Variants in RFTN1 observed in about 807,000 individuals in gnomAD.
RFTN1 encodes the protein raftlin, lipid raft linker 1, also known as raftlin.
In RFTN1, 26 loss-of-function variants were observed where a neutral mutation model predicts 46.5. That is an observed-to-expected ratio of 0.56 (90% CI 0.41 to 0.78). The LOEUF is 0.78. Among genes scored for constraint, RFTN1 ranks in the 30% least tolerant of loss-of-function variants. The pLI is 0.00. For synonymous variants in RFTN1, 261 were observed against 284.2 expected, an observed-to-expected ratio of 0.92 and a Z score of 0.82; for missense variants, 693 against 718.7, an observed-to-expected ratio of 0.96 and a Z score of 0.41.
chr3:16,471,465 GC>G (rs1463742226), intron 2 of RFTN1, among the ~76,000 whole-genome samples: 1 of 152,130 alleles, frequency 6.6e-6, no homozygotes, highest in Admixed American at 6.5e-5. Flanking sequence ...CAGGATTGTT[GC>G]CATAATTCAC....
chr3:16,333,412 A>T (rs890532769), intron 7 of RFTN1, among the ~76,000 whole-genome samples: 1 of 152,248 alleles, frequency 6.6e-6, no homozygotes, highest in Non-Finnish European at 1.5e-5. Flanking sequence ...GATTACAATA[A>T]ATTTTAGTAA....
intron 1 of RFTN1, among the ~76,000 whole-genome samples, chr3:16,510,749 T>C (rs2076885320): frequency 6.6e-6 from 1 of 152,216 alleles, no homozygotes; most frequent in African/African-American, 2.4e-5. Flanking sequence ...ATCTCCTTTT[T>C]GACCCAGCAA....
At chr3:16,487,735 C>T (rs1402404961) in intron 2 of RFTN1, among the ~76,000 whole-genome samples, 2 of 152,136 alleles carry the variant, frequency 1.3e-5, no homozygotes, top group Non-Finnish European at 2.9e-5. Flanking sequence ...TTTCACAGAG[C>T]TGACATAGGT....
At position 16,382,848 on chromosome 3, in the gene RFTN1, C is replaced by T. The variant is rs535608920; in HGVS notation, c.442-4746G>A. Among the ~76,000 whole-genome samples the T allele has an allele frequency of 6.6e-6, 1 of 152,292 alleles. No homozygotes were observed. The highest frequency in any genetic ancestry group is 2.1e-4 in the South Asian group (1 of 4,826). On this transcript the variant is annotated intron_variant, in intron 4 of 9. Transcript: ENST00000334133. The surrounding 1 kb of genome is among the most constrained non-coding windows in gnomAD (Gnocchi z 4.7). Reference sequence around the variant, plus strand: ...CATCTGTTGCTGGACATCACCATGACCTCAGGCGATGCCAGGGTCTTCATG... The same window carrying T: ...CATCTGTTGCTGGACATCACCATGATCTCAGGCGATGCCAGGGTCTTCATG...
At chr3:16,372,673 A>G (rs1342125019) in intron 5 of RFTN1, among the ~76,000 whole-genome samples, 1 of 152,220 alleles carries the variant, frequency 6.6e-6, no homozygotes, top group African/African-American at 2.4e-5. Context: ...TAACTTTCCC[A>G]AATGCGTAAT....
In RFTN1 at chr3:16,512,072, C is replaced by T. The variant is rs2076910313; in HGVS notation, c.-9+1370G>A. 6.6e-6 allele frequency among the ~76,000 whole-genome samples: 1 copy of T among 152,150 alleles called. No homozygotes were observed. The highest frequency in any genetic ancestry group is 2.4e-5 in the African/African-American group (1 of 41,442). On this transcript the variant is annotated intron_variant, in intron 1 of 9. Coordinates refer to ENST00000334133, the MANE Select transcript of RFTN1 (RefSeq NM_015150.2). The surrounding 1 kb of genome is among the most constrained non-coding windows in gnomAD (Gnocchi z 4.3). ...GAGTGATTTCACTGAGGTTAGCACACACGCACCAAAGAGTCCCAAACAGCT... is the reference window on the plus strand; with the variant it reads ...GAGTGATTTCACTGAGGTTAGCACATACGCACCAAAGAGTCCCAAACAGCT...
At chr3:16,435,947 A>ATAT (rs1170115976) in intron 2 of RFTN1, among the ~76,000 whole-genome samples, 1 of 136,104 alleles carries the variant, frequency 7.3e-6, no homozygotes, top group Admixed American at 7.1e-5. Context: ...TATATATATC[A>ATAT]CACACATATG....
At chr3:16,463,684 A>T (rs759313690) in intron 2 of RFTN1, among the ~76,000 whole-genome samples, 1 of 152,082 alleles carries the variant, frequency 6.6e-6, no homozygotes, top group Non-Finnish European at 1.5e-5. Flanking sequence ...ATCTGTTTCT[A>T]TCATTTGTTT....
chr3:16,383,769 GA>G lies in RFTN1; in HGVS notation c.442-5668del, dbSNP rs1382094483. Among the ~76,000 whole-genome samples, 6 of 152,308 alleles carry G rather than the reference GA, an allele frequency of 3.9e-5. No individual in the cohort carries two copies. The highest frequency in any genetic ancestry group is 1.5e-5 in the Non-Finnish European group (1 of 68,028). On this transcript the variant is annotated intron_variant, in intron 4 of 9. Coordinates refer to ENST00000334133, the MANE Select transcript of RFTN1 (RefSeq NM_015150.2). This position sits in a 1 kb window ranked among gnomAD's most constrained non-coding sequence, Gnocchi z 4.0. ...AAAATGAAGGCTATATGGAACATAG[GA>G]AAAGGAAGAGAAAAGCCTCCTGCTC... is the stretch of plus-strand genomic sequence containing the variant.
rs543276003 is a variant in RFTN1, at chr3:16,353,609, G to C, written c.1146+4323C>G. On this transcript the variant is annotated intron_variant, in intron 7 of 9. Transcript: ENST00000334133. This position sits in a 1 kb window ranked among gnomAD's most constrained non-coding sequence, Gnocchi z 5.4. ...TCTATCCTCCCACAATGCGTATGTT[G>C]AGGCTCCAAGCCCTAGTTTGGCTGT... is the stretch of plus-strand genomic sequence containing the variant. 2.0e-5 allele frequency among the ~76,000 whole-genome samples: 3 copies of C among 152,306 alleles called. No homozygotes were observed. Among genetic ancestry groups the C allele is most frequent in the Non-Finnish European group, 4.4e-5 (3 of 68,030 alleles).
rs2072084890 is a variant in RFTN1 at position 16,351,286 on chromosome 3, C to T, written c.1146+6646G>A. On this transcript the variant is annotated intron_variant, in intron 7 of 9. Transcript: ENST00000334133. The surrounding 1 kb of genome is among the most constrained non-coding windows in gnomAD (Gnocchi z 5.4). ...TGTGTCCTTGATCCAGTCTGTTTGCCATTGAGACCAGTCAGGAGCCTCCAT... is the reference window on the plus strand; with the variant it reads ...TGTGTCCTTGATCCAGTCTGTTTGCTATTGAGACCAGTCAGGAGCCTCCAT... Among the ~76,000 whole-genome samples the T allele has an allele frequency of 6.6e-6, 1 of 152,130 alleles. No individual in the cohort carries two copies. Among genetic ancestry groups the T allele is most frequent in the South Asian group, 2.1e-4 (1 of 4,826 alleles).
chr3:16,340,472 A>G (rs1194698043), intron 7 of RFTN1, among the ~76,000 whole-genome samples: 1 of 152,280 alleles, frequency 6.6e-6, no homozygotes, highest in African/African-American at 2.4e-5. Flanking sequence ...AGCAGAGATC[A>G]GCAAGGTTGC....
chr3:16,494,130 C>T (rs1253693914), intron 1 of RFTN1, among the ~76,000 whole-genome samples: 1 of 152,214 alleles, frequency 6.6e-6, no homozygotes, highest in South Asian at 2.1e-4. Flanking sequence ...CAAAAGCATA[C>T]CTGTTTTATA....
At chr3:16,392,585 A>G (rs1050844018) in intron 4 of RFTN1, among the ~76,000 whole-genome samples, 3 of 150,410 alleles carry the variant, frequency 2.0e-5, no homozygotes, top group African/African-American at 7.3e-5. Context: ...ATAAATATAT[A>G]TTACATCTAT....
At chr3:16,511,937 A>G (rs1476318279) in intron 1 of RFTN1, among the ~76,000 whole-genome samples, 2 of 152,156 alleles carry the variant, frequency 1.3e-5, no homozygotes, top group African/African-American at 4.8e-5. Context: ...GTGACTTGAT[A>G]TACAAATGCA....
chr3:16,343,194 G>T (rs2071424425), intron 7 of RFTN1, among the ~76,000 whole-genome samples: 1 of 152,066 alleles, frequency 6.6e-6, no homozygotes, highest in African/African-American at 2.4e-5. Context: ...GCAAGGTTTG[G>T]GAACCACTGC....
chr3:16,498,612 T>C lies in RFTN1; in HGVS notation c.-8-4735A>G, dbSNP rs1422055442. 6.6e-6 allele frequency among the ~76,000 whole-genome samples: 1 copy of C among 152,222 alleles called. No homozygotes were observed. The highest frequency in any genetic ancestry group is 6.5e-5 in the Admixed American group (1 of 15,284). ...GCAACCCTGGCTAAGCAACTGTTTC[T>C]AAAGCACAGCCCTCTTTGGAAAGGG... On this transcript the variant is annotated intron_variant, in intron 1 of 9. Coordinates refer to ENST00000334133, the MANE Select transcript of RFTN1 (RefSeq NM_015150.2). The surrounding 1 kb of genome is among the most constrained non-coding windows in gnomAD (Gnocchi z 5.2).
In RFTN1 at chr3:16,351,881, G is replaced by GA. The variant is rs11366942; in HGVS notation, c.1146+6050dup. Reference sequence around the variant, plus strand: ...TTGGGTGAGGGGACTAGAAAGACTAGAAAAAAAAATCATGAAAACATGGAT... The same window carrying GA: ...TTGGGTGAGGGGACTAGAAAGACTAGAAAAAAAAAATCATGAAAACATGGAT... On this transcript the variant is annotated intron_variant, in intron 7 of 9. Coordinates refer to ENST00000334133, the MANE Select transcript of RFTN1 (RefSeq NM_015150.2). This position sits in a 1 kb window ranked among gnomAD's most constrained non-coding sequence, Gnocchi z 5.4. Among the ~76,000 whole-genome samples the GA allele has an allele frequency of 3.9e-4, 59 of 151,188 alleles. No homozygotes were observed. The highest frequency in any genetic ancestry group is 3.4e-3 in the Middle Eastern group (1 of 294).
chr3:16,326,847 G>T lies in RFTN1; in HGVS notation c.1176C>A (p.Pro392=). 1 of 1,614,066 alleles carries T rather than the reference G, an allele frequency of 6.2e-7. No homozygotes were observed. The highest frequency in any genetic ancestry group is 8.5e-7 in the Non-Finnish European group (1 of 1,180,008). The change falls in exon 8 of 10, where the codon CCC becomes CCA. Residue 392 remains proline, a synonymous_variant. Coordinates refer to ENST00000334133, the MANE Select transcript of RFTN1 (RefSeq NM_015150.2). ...EGVEVQTDYV[P]LLNSLAAYGW... ...CATAGGCCGCCAGCGAGTTCAGCAG[G>T]GGCACGTAGTCTGTCTGCACTTCGA...
Sources: gnomAD v4.1 joint callset for allele counts (sites outside exome capture counted in the v4.1 genomes callset) on GRCh38, gnomAD v4.1.1 for gene constraint, Gnocchi (gnomAD v3.1) non-coding constraint, MANE v1.5 for transcripts, NCBI Gene and HGNC (gene_info 2026-07-23, HGNC 2026-07-21) for gene names.